The following ERBB4 variants were observed in gnomAD, a reference collection of about 807,000 sequenced individuals.
ERBB4 encodes receptor tyrosine-protein kinase erbB-4.
Under a neutral mutation model 158.0 loss-of-function variants are expected in ERBB4, and 42 were observed. That is an observed-to-expected ratio of 0.27 (90% CI 0.21 to 0.34). The LOEUF (loss-of-function observed/expected upper bound fraction) is 0.34, where lower values mean the gene tolerates loss of function less well. Among genes scored for constraint, ERBB4 ranks in the 10% least tolerant of loss-of-function variants. The pLI, the probability that ERBB4 is intolerant of heterozygous loss-of-function variation, is 1.00. For synonymous variants in ERBB4, 583 were observed against 558.7 expected, an observed-to-expected ratio of 1.04 and a Z score of -0.61; for missense variants, 1,333 against 1,624.1, an observed-to-expected ratio of 0.82 and a Z score of 3.08.
intron 12 of ERBB4, among the ~76,000 whole-genome samples, chr2:211,688,583 C>T (rs893452713): frequency 2.6e-4 from 39 of 152,094 alleles, no homozygotes; most frequent in South Asian, 2.1e-4. Flanking sequence ...AGGGTAAATT[C>T]GATCCCTCCC....
At chr2:212,337,582 T>C (rs1480955923) in intron 1 of ERBB4, among the ~76,000 whole-genome samples, 1 of 152,050 alleles carries the variant, frequency 6.6e-6, no homozygotes, top group African/African-American at 2.4e-5. Context: ...AAATTGCTCA[T>C]TCCATGCTCA....
At chr2:211,580,964 C>T (rs1396706171) in intron 19 of ERBB4, among the ~76,000 whole-genome samples, 3 of 145,424 alleles carry the variant, frequency 2.1e-5, no homozygotes, top group Non-Finnish European at 4.5e-5. Flanking sequence ...ATGGCATTTG[C>T]AGTGACCTGG....
At chr2:212,369,317 T>C (rs937130656) in intron 1 of ERBB4, among the ~76,000 whole-genome samples, 1 of 152,176 alleles carries the variant, frequency 6.6e-6, no homozygotes, top group African/African-American at 2.4e-5. Context: ...ACAGGGTTCA[T>C]TGCAGTCCTC....
chr2:212,002,834 G>C (rs112412667), intron 2 of ERBB4, among the ~76,000 whole-genome samples: 1 of 152,010 alleles, frequency 6.6e-6, no homozygotes, highest in South Asian at 2.1e-4. Flanking sequence ...CGAGGCGGGC[G>C]GATCACTTGA....
At chr2:212,517,669 T>G (rs1191794111) in intron 1 of ERBB4, among the ~76,000 whole-genome samples, 2 of 152,234 alleles carry the variant, frequency 1.3e-5, no homozygotes, top group East Asian at 1.9e-4. Flanking sequence ...TTCAGTTATT[T>G]CTGCATGGAT....
chr2:211,755,348 A>G (rs544467970), intron 4 of ERBB4, among the ~76,000 whole-genome samples: 56 of 152,226 alleles, frequency 3.7e-4, no homozygotes, highest in African/African-American at 1.3e-3. Flanking sequence ...CAAAAAATGC[A>G]AAAATCGGTC....
At chr2:211,682,010 T>C (rs182413874) in intron 12 of ERBB4, among the ~76,000 whole-genome samples, 1 of 150,452 alleles carries the variant, frequency 6.6e-6, no homozygotes, top group East Asian at 1.9e-4. Context: ...TTAGTCATGG[T>C]TCTCCAGAAA....
At chr2:212,154,057 C>G (rs778689506) in intron 1 of ERBB4, among the ~76,000 whole-genome samples, 1 of 152,060 alleles carries the variant, frequency 6.6e-6, no homozygotes, top group Non-Finnish European at 1.5e-5. Context: ...CCCCATACAA[C>G]AGCTAGAAAG....
intron 3 of ERBB4, among the ~76,000 whole-genome samples, chr2:211,808,765 G>T (rs894133431): frequency 1.3e-5 from 2 of 152,162 alleles, no homozygotes; most frequent in Non-Finnish European, 2.9e-5. Flanking sequence ...CATGAGCATT[G>T]ATTGTTCTTC....
intron 3 of ERBB4, among the ~76,000 whole-genome samples, chr2:211,874,029 G>T (rs1188637253): frequency 1.3e-5 from 2 of 151,968 alleles, no homozygotes; most frequent in East Asian, 3.9e-4. Flanking sequence ...GCCAGACATG[G>T]TGGTGTGCAC....
At position 212,124,954 on chromosome 2, in the gene ERBB4, G is replaced by A. The variant is rs758724557; in HGVS notation, c.83-51C>T. On this transcript the variant is annotated intron_variant, in intron 1 of 27. Transcript: ENST00000342788. ...AAATTACATAACCTTTATATGATATGCGCAATGATAATATCTTTCTCAAAA... is the reference window on the plus strand; with the variant it reads ...AAATTACATAACCTTTATATGATATACGCAATGATAATATCTTTCTCAAAA... 7.6e-6 allele frequency: 12 copies of A among 1,583,142 alleles called. No individual in the cohort carries two copies. The African/African-American group carries it at 1.3e-4, about 18-fold the overall frequency.
chr2:211,880,225 T>G (rs1248117997), intron 3 of ERBB4, among the ~76,000 whole-genome samples: 1 of 152,082 alleles, frequency 6.6e-6, no homozygotes, highest in Non-Finnish European at 1.5e-5. Flanking sequence ...TAACAGTAGG[T>G]TTTGCTCAAA....
intron 1 of ERBB4, among the ~76,000 whole-genome samples, chr2:212,174,027 T>C (rs1203199210): frequency 6.6e-6 from 1 of 152,080 alleles, no homozygotes; most frequent in East Asian, 1.9e-4. Context: ...TCCCATTAAC[T>C]GTCTGTCTCA....
intron 1 of ERBB4, among the ~76,000 whole-genome samples, chr2:212,314,092 A>G (rs1339175821): frequency 6.6e-6 from 1 of 151,134 alleles, no homozygotes; most frequent in Non-Finnish European, 1.5e-5. Context: ...AAGTTGGCTA[A>G]ATTTATCTTT....
At chr2:212,019,758 T>G (rs1453655771) in intron 2 of ERBB4, among the ~76,000 whole-genome samples, 1 of 106,264 alleles carries the variant, frequency 9.4e-6, no homozygotes, top group Non-Finnish European at 1.8e-5. Context: ...CAACATTCTG[T>G]AAAAAAAAAA....
At chr2:212,310,279 T>C (rs916835199) in intron 1 of ERBB4, among the ~76,000 whole-genome samples, 1 of 150,728 alleles carries the variant, frequency 6.6e-6, no homozygotes, top group African/African-American at 2.4e-5. Flanking sequence ...TTAAACACTG[T>C]TAATTATACT....
At chr2:211,432,869 G>A (rs1223709135) in intron 20 of ERBB4, among the ~76,000 whole-genome samples, 1 of 152,180 alleles carries the variant, frequency 6.6e-6, no homozygotes, top group Admixed American at 6.5e-5. Context: ...TTAATAAAGT[G>A]GGCGGATAGG....
chr2:211,565,753 AT>A lies in ERBB4; in HGVS notation c.2302-3666del, dbSNP rs2067527374. On this transcript the variant is annotated intron_variant, in intron 19 of 27. Transcript: ENST00000342788. The stretch of plus-strand genomic sequence containing the variant: ...GGTTTATCGTGAGGTTTAACATTTT[AT>A]TTTTTCAGTAAGGAAAAGGGGGCAG... Among the ~76,000 whole-genome samples, 3 of 152,076 alleles carry A rather than the reference AT, an allele frequency of 2.0e-5. 1 individual carries two copies. The South Asian group carries it at 6.2e-4, about 32-fold the overall frequency.
chr2:212,491,259 G>A (rs564899046), intron 1 of ERBB4, among the ~76,000 whole-genome samples: 2 of 151,682 alleles, frequency 1.3e-5, no homozygotes, highest in African/African-American at 4.8e-5. Context: ...AACCTATTAT[G>A]TATAAACTTT....
Sources: allele counts gnomAD v4.1 joint callset (sites outside exome capture counted in the v4.1 genomes callset), GRCh38; gene constraint gnomAD v4.1.1; transcripts MANE v1.5; gene names NCBI Gene and HGNC (gene_info 2026-07-23, HGNC 2026-07-21).